TRRAP: variants seen among roughly 807,000 people sequenced by gnomAD.
The protein encoded by TRRAP is transformation/transcription domain-associated protein.
In TRRAP, 41 loss-of-function variants were observed where a neutral mutation model predicts 438.8. The observed-to-expected ratio is 0.09, with a 90% CI of 0.07 to 0.12. The LOEUF is 0.12. TRRAP is among the 10% of genes least tolerant of loss of function. The pLI is 1.00. For missense variants in TRRAP, 3,122 were observed against 5,055.1 expected (o/e 0.62, Z 11.60); for synonymous variants, 1,994 against 1,962.9 (o/e 1.02, Z -0.42).
At chr7:98,900,884 A>G (rs544487192) in intron 11 of TRRAP, among the ~76,000 whole-genome samples, 164 bp downstream of exon 11, 12 of 152,300 alleles carry the variant, frequency 7.9e-5, no homozygotes, top group African/African-American at 2.9e-4. Context: ...CCATTGTTAT[A>G]TATTTGTTGT....
intron 23 of TRRAP, among the ~76,000 whole-genome samples, chr7:98,928,269 G>T (rs1272476732): frequency 1.3e-5 from 2 of 151,962 alleles, no homozygotes; most frequent in Non-Finnish European, 2.9e-5. Flanking sequence ...AAAATGTCAT[G>T]CCACTGCCAG....
At chr7:98,992,563 G>A (rs1356120614) in intron 65 of TRRAP, among the ~76,000 whole-genome samples, 1 of 112,434 alleles carries the variant, frequency 8.9e-6, no homozygotes, top group African/African-American at 3.3e-5. Context: ...CAGCTGCCGT[G>A]TGTGTGTGTG....
intron 63 of TRRAP, among the ~76,000 whole-genome samples, chr7:98,989,409 G>C (rs1255758221): frequency 1.3e-5 from 2 of 152,200 alleles, no homozygotes; most frequent in Admixed American, 1.3e-4. Flanking sequence ...GCTCAGGGTG[G>C]GTGTCACCCA....
At chr7:98,931,086 G>A (rs1372253862) in intron 25 of TRRAP, among the ~76,000 whole-genome samples, 2 of 152,210 alleles carry the variant, frequency 1.3e-5, no homozygotes, top group South Asian at 2.1e-4. Flanking sequence ...CTGAAAAGGG[G>A]AATTCTGCTT....
In TRRAP at chr7:98,931,704, A is replaced by G. The variant is rs568070686; in HGVS notation, c.3852+39A>G. 36 of 1,589,288 alleles carry G rather than the reference A, an allele frequency of 2.3e-5. No individual in the cohort carries two copies. The East Asian group carries it at 7.9e-4, about 35-fold the overall frequency. ...CACCAGAACCAAGGTAATTTCAACA[A>G]AACTTTTGAGCCTTTTTTTTAAATT... On this transcript the variant is annotated intron_variant, in intron 26 of 72. Transcript: ENST00000456197.
intron 14 of TRRAP, 113 bp downstream of exon 14, chr7:98,909,075 G>A: frequency 1.0e-6 from 1 of 987,348 alleles, no homozygotes. Context: ...CTAGGCTGAA[G>A]TGCAGTGGCG....
intron 19 of TRRAP, 142 bp downstream of exon 19, chr7:98,916,030 C>G: frequency 8.9e-7 from 1 of 1,128,198 alleles, no homozygotes; most frequent in Non-Finnish European, 1.2e-6. Context: ...CCGCCGCCCC[C>G]CTGCCCCCCT....
chr7:98,939,436 A>G (rs566515333), intron 30 of TRRAP, among the ~76,000 whole-genome samples: 4 of 152,346 alleles, frequency 2.6e-5, no homozygotes, highest in Middle Eastern at 3.4e-3. Flanking sequence ...TACCTCATCT[A>G]TATGCTAGTT....
chr7:98,927,865 C>G (rs1554411859), intron 23 of TRRAP, among the ~76,000 whole-genome samples: 1 of 152,168 alleles, frequency 6.6e-6, no homozygotes, highest in Admixed American at 6.5e-5. Context: ...TTCAGTGGCT[C>G]TCACACTCTT....
At chr7:98,946,236 C>T (rs965093915) in intron 33 of TRRAP, among the ~76,000 whole-genome samples, 9 of 151,816 alleles carry the variant, frequency 5.9e-5, no homozygotes, top group African/African-American at 1.9e-4. Context: ...TGTTCGTAAC[C>T]TCTATCTGAA....
intron 51 of TRRAP, among the ~76,000 whole-genome samples, chr7:98,969,138 C>T (rs1388067631): frequency 6.6e-6 from 1 of 152,256 alleles, no homozygotes; most frequent in Non-Finnish European, 1.5e-5. Flanking sequence ...TCCCCTCCTA[C>T]TGATAAGTTT....
rs760309909 is a variant in TRRAP at position 98,976,731 on chromosome 7, G to T, written c.8208G>T (p.Thr2736=). The change falls in exon 55 of 73, where the codon ACG becomes ACT. Residue 2736 remains threonine (T), a synonymous_variant. Coordinates refer to ENST00000456197, the MANE Select transcript of TRRAP (RefSeq NM_001375524.1). This position sits in a 1 kb window ranked among gnomAD's most constrained non-coding sequence, Gnocchi z 4.6. The part of the protein sequence containing the change: ...LSLQIKPKQT[T]EFYEQESITP... ...TTCAGATTAAGCCGAAGCAAACAAC[G>T]GAGTTTTATGAGCAGGAGAGCATCA... 1 of 1,613,964 alleles carries T rather than the reference G, an allele frequency of 6.2e-7. No individual in the cohort carries two copies.
intron 4 of TRRAP, 115 bp downstream of exon 4, chr7:98,890,560 A>G: frequency 8.0e-6 from 6 of 750,368 alleles, no homozygotes; most frequent in Non-Finnish European, 1.2e-5. Flanking sequence ...TTGTCACATA[A>G]GGATAACTTT....
At chr7:98,980,418 AT>A (rs1411262837) in intron 58 of TRRAP, among the ~76,000 whole-genome samples, 3 of 152,126 alleles carry the variant, frequency 2.0e-5, no homozygotes, top group Non-Finnish European at 4.4e-5. Flanking sequence ...CATGAAAAAA[AT>A]TTTTTAAATA....
At chr7:98,977,213 G>A in intron 56 of TRRAP, 137 bp downstream of exon 56, 4 of 1,229,216 alleles carry the variant, frequency 3.3e-6, no homozygotes, top group Non-Finnish European at 4.5e-6. Flanking sequence ...CCAGCCTGGA[G>A]TGCAGTGGCA....
Position 99,008,366 on chromosome 7 carries a change from T to TCTCTCCCC in TRRAP, c.10754-10_10754-3dup, listed in dbSNP as rs746054971. 3.1e-6 allele frequency: 5 copies of TCTCTCCCC among 1,612,990 alleles called. No individual in the cohort carries two copies. The highest frequency in any genetic ancestry group is 3.4e-6 in the Non-Finnish European group (4 of 1,179,298). On this transcript the variant is annotated splice_polypyrimidine_tract_variant and intron_variant, in intron 69 of 72. Transcript: ENST00000456197. ...CCTCAGCCTGCCCCGTTTCTCTTCC[T>TCTCTCCCC]CTCTCCCCAGTGCCCCGGGTTGTGG...
At chr7:98,992,014 C>G in intron 64 of TRRAP, 123 bp from the exon 65 acceptor site, 1 of 1,078,702 alleles carries the variant, frequency 9.3e-7, no homozygotes, top group Non-Finnish European at 1.4e-6. Context: ...TATTTGCTTC[C>G]TTGGTCCAAA....
At chr7:98,881,751 T>TTG (rs139382203) in intron 2 of TRRAP, 24 of 477,660 alleles carry the variant, frequency 5.0e-5, no homozygotes, top group Non-Finnish European at 6.7e-5. Context: ...GTGTGTGTGT[T>TTG]TGTGTGTGTG....
intron 47 of TRRAP, 105 bp downstream of exon 47, chr7:98,962,532 G>C (rs1199671078): frequency 6.3e-7 from 1 of 1,578,992 alleles, no homozygotes; most frequent in East Asian, 2.2e-5. Flanking sequence ...GTTGGGCAGA[G>C]CTTTGAGCCG....
Sources: gnomAD v4.1 joint callset for allele counts (sites outside exome capture counted in the v4.1 genomes callset) on GRCh38, gnomAD v4.1.1 for gene constraint, Gnocchi (gnomAD v3.1) non-coding constraint, MANE v1.5 for transcripts, NCBI Gene and HGNC (gene_info 2026-07-23, HGNC 2026-07-21) for gene names.